MTMR8: variants seen among roughly 807,000 people sequenced by gnomAD.
MTMR8 encodes the protein phosphatidylinositol-3,5-bisphosphate 3-phosphatase MTMR8.
In MTMR8, 65 loss-of-function variants were observed where a neutral mutation model predicts 39.3. That is an observed-to-expected ratio of 1.65 (90% confidence interval 1.35 to 2.03). MTMR8 has a LOEUF of 2.03. Ranked by LOEUF, MTMR8 falls within the 30% of genes most tolerant of loss-of-function variation. The pLI is 0.00. For synonymous variants in MTMR8, 245 were observed against 185.2 expected (o/e 1.32, Z -2.62); for missense variants, 777 against 538.9 (o/e 1.44, Z -4.37).
intron 12 of MTMR8, among the ~76,000 whole-genome samples, chrX:64,281,706 C>G (rs1470115100): frequency 9.0e-6 from 1 of 110,610 alleles, no homozygotes; most frequent in African/African-American, 3.3e-5. Context: ...CAAATGGGAT[C>G]TAATTAAACC....
chrX:64,286,534 C>T (rs1395970183), intron 12 of MTMR8, among the ~76,000 whole-genome samples: 2 of 111,755 alleles, frequency 1.8e-5, no homozygotes, highest in African/African-American at 6.5e-5. Flanking sequence ...GACCAATATC[C>T]CTGATGAACA....
At position 64,268,925 on chromosome X, in the gene MTMR8, T is replaced by A. The variant is rs761785418; in HGVS notation, c.1727A>T (p.Asn576Ile). The change falls in exon 14 of 14, where the codon AAT (asparagine) becomes ATT (isoleucine). Residue 576 changes from asparagine to isoleucine, a missense_variant. Transcript: ENST00000374852. ...LTNPLGFMGI[N>I]GDLNTLMENG... ...CTCCATCAGGGTATTCAGGTCTCCA[T>A]TGATACCCATAAAGCCAAGAGGATT... 8.3e-7 allele frequency: 1 copy of A among 1,209,970 alleles called. No homozygotes were observed. Among genetic ancestry groups the A allele is most frequent in the African/African-American group, 1.8e-5 (1 of 57,122 alleles).
chrX:64,386,662 G>T (rs188167582), intron 1 of MTMR8, among the ~76,000 whole-genome samples: 1 of 111,852 alleles, frequency 8.9e-6, no homozygotes, highest in South Asian at 3.7e-4. Flanking sequence ...GAAGCTGCAG[G>T]GAGGCATTGT....
At chrX:64,271,422 G>C (rs983510006) in intron 12 of MTMR8, among the ~76,000 whole-genome samples, 2 of 112,143 alleles carry the variant, frequency 1.8e-5, no homozygotes, top group African/African-American at 6.5e-5. Context: ...GGAAGCCCTG[G>C]ACTGTCCTTC....
chrX:64,370,425 GC>G (rs1169005793), intron 1 of MTMR8, among the ~76,000 whole-genome samples: 2 of 109,773 alleles, frequency 1.8e-5, no homozygotes, highest in Non-Finnish European at 3.8e-5. Context: ...AAAATCCCTA[GC>G]CCAATGATCT....
intron 1 of MTMR8, among the ~76,000 whole-genome samples, chrX:64,385,454 G>A (rs183617978): frequency 1.7e-4 from 19 of 111,548 alleles, no homozygotes; most frequent in Admixed American, 1.4e-3. Context: ...CCCACTCCTC[G>A]GTATCAATTT....
chrX:64,268,745 A>T lies in MTMR8; in HGVS notation c.1907T>A (p.Ile636Asn). The T allele has an allele frequency of 8.3e-7, 1 of 1,211,878 alleles. No homozygotes were observed. Among genetic ancestry groups the T allele is most frequent in the Non-Finnish European group, 1.1e-6 (1 of 895,572 alleles). ...GDVGISEAMG[I>N]SGDMCTFEAT... ...CTCAAAGGTGCACATGTCTCCAGAGATGCCCATGGCCTCAGAGATGCCCAC... is the reference window on the plus strand; with the variant it reads ...CTCAAAGGTGCACATGTCTCCAGAGTTGCCCATGGCCTCAGAGATGCCCAC... The change falls in exon 14 of 14, where the codon ATC (isoleucine) becomes AAC (asparagine). Residue 636 changes from isoleucine (I) to asparagine (N), a missense_variant. By Grantham distance (149) the Ile-to-Asn change is moderately radical. Coordinates refer to ENST00000374852, the MANE Select transcript of MTMR8 (RefSeq NM_017677.4).
At position 64,304,361 on chromosome X, in the gene MTMR8, G is replaced by C. The variant is rs1922006637; in HGVS notation, c.1481+24411C>G. On this transcript the variant is annotated intron_variant, in intron 12 of 13. Coordinates refer to ENST00000374852, the MANE Select transcript of MTMR8 (RefSeq NM_017677.4). ...TCAAGCTTGCATGTGTTCACATACA[G>C]CACCACTACCACACTCCTGTACATA... Among the ~76,000 whole-genome samples, 4 of 111,733 alleles carry C rather than the reference G, an allele frequency of 3.6e-5. No individual in the cohort carries two copies. In the South Asian group the frequency reaches 1.5e-3, roughly 42 times the overall value.
intron 1 of MTMR8, among the ~76,000 whole-genome samples, chrX:64,384,502 C>T (rs982629522): frequency 8.9e-6 from 1 of 112,164 alleles, no homozygotes; most frequent in African/African-American, 3.2e-5. Flanking sequence ...AGGCTTCTGC[C>T]TGGGTACCCA....
Position 64,360,397 on chromosome X carries a change from A to G in MTMR8, c.25-870T>C, listed in dbSNP as rs1315249171. On this transcript the variant is annotated intron_variant, in intron 1 of 13. Transcript: ENST00000374852. ...CTAATAGGTCAAGCAGACCAAAAAA[A>G]AAAAAAAAAATCAAATGAAGATACG... The G allele has an allele frequency of 9.8e-6, 3 of 306,794 alleles. No individual in the cohort carries two copies. The Admixed American group carries it at 1.1e-4, about 11-fold the overall frequency. The allele number at this position is 306,794 out of a possible 1,213,427, so 25.3% of individuals were successfully genotyped here.
At chrX:64,322,458 G>A (rs1371778919) in intron 12 of MTMR8, among the ~76,000 whole-genome samples, 1 of 111,876 alleles carries the variant, frequency 8.9e-6, no homozygotes. Flanking sequence ...CAATTTTGTT[G>A]ACTAGTTTGA....
At chrX:64,275,084 T>C (rs943091738) in intron 12 of MTMR8, among the ~76,000 whole-genome samples, 2 of 111,673 alleles carry the variant, frequency 1.8e-5, no homozygotes, top group African/African-American at 6.5e-5. Context: ...GATGTCTAAA[T>C]GAGGTGATGG....
At chrX:64,285,640 C>G (rs1022175255) in intron 12 of MTMR8, among the ~76,000 whole-genome samples, 3 of 111,755 alleles carry the variant, frequency 2.7e-5, no homozygotes, top group Admixed American at 9.5e-5. Context: ...AGACCACAGT[C>G]CAATCAAACT....
chrX:64,280,051 A>T (rs1381474215), intron 12 of MTMR8, among the ~76,000 whole-genome samples: 1 of 112,331 alleles, frequency 8.9e-6, no homozygotes, highest in Non-Finnish European at 1.9e-5. Flanking sequence ...TTGCAGCTGT[A>T]ATAAATAGCC....
At chrX:64,279,556 C>T (rs1931958002) in intron 12 of MTMR8, among the ~76,000 whole-genome samples, 1 of 112,003 alleles carries the variant, frequency 8.9e-6, no homozygotes, top group Admixed American at 9.5e-5. Flanking sequence ...GTCAATACTA[C>T]CCAAAGTGAT....
intron 12 of MTMR8, among the ~76,000 whole-genome samples, chrX:64,290,013 G>A (rs183033563): frequency 5.6e-4 from 62 of 111,025 alleles, no homozygotes; most frequent in African/African-American, 1.9e-3. Flanking sequence ...TTAATGGTTA[G>A]GGTTTCAGTT....
intron 1 of MTMR8, among the ~76,000 whole-genome samples, chrX:64,367,462 A>T (rs752736334): frequency 8.9e-6 from 1 of 112,210 alleles, no homozygotes; most frequent in East Asian, 2.8e-4. Context: ...AACATATGCA[A>T]ATCAATAAAC....
chrX:64,340,612 G>A (rs1023520845), intron 8 of MTMR8, among the ~76,000 whole-genome samples: 2 of 111,423 alleles, frequency 1.8e-5, no homozygotes, highest in Admixed American at 1.9e-4. Flanking sequence ...AGGTAGTCAG[G>A]TTTCAGGTAA....
In MTMR8 at chrX:64,271,043, G is replaced by T; in HGVS notation, c.1512C>A (p.Asp504Glu). 1 of 1,206,491 alleles carries T rather than the reference G, an allele frequency of 8.3e-7. No individual in the cohort carries two copies. ...QFWCGMYNRF[D>E]KGLQPKQSML... is the part of the protein sequence containing the mutation. ...TACTCTGCTTGGGCTGCAGCCCTTT[G>T]TCAAAGCGGTTATACATCCCACACC... Residue 504 changes from aspartate to glutamate, a missense_variant, in exon 13 of 14, where the codon GAC becomes GAA. Physicochemically the swap from Asp to Glu is conservative, Grantham distance 45 (BLOSUM62 2). Transcript: ENST00000374852.
Sources: allele counts gnomAD v4.1 joint callset (sites outside exome capture counted in the v4.1 genomes callset), GRCh38; gene constraint gnomAD v4.1.1; transcripts MANE v1.5; gene names NCBI Gene and HGNC (gene_info 2026-07-23, HGNC 2026-07-21).